TBL2: variants seen among roughly 807,000 people sequenced by gnomAD.
TBL2 encodes the protein transducin beta like 2.
Under a neutral mutation model 41.8 loss-of-function variants are expected in TBL2, and 33 were observed. The ratio of observed to expected loss-of-function variants is 0.79; its 90% CI spans 0.60 to 1.06. The LOEUF (loss-of-function observed/expected upper bound fraction) is 1.06. Among genes scored for constraint, TBL2 ranks in the 50% least tolerant of loss-of-function variants. The pLI, the probability that TBL2 is intolerant of heterozygous loss-of-function variation, is 0.00. For missense variants in TBL2, 522 were observed against 603.8 expected (o/e 0.86, Z 1.42); for synonymous variants, 239 against 241.7 (o/e 0.99, Z 0.10).
At position 73,570,842 on chromosome 7, in the gene TBL2, G is replaced by A. The variant is rs1792891603; in HGVS notation, c.1009C>T (p.Leu337=). 2 of 1,613,758 alleles carry A rather than the reference G, an allele frequency of 1.2e-6. No individual in the cohort carries two copies. The highest frequency in any genetic ancestry group is 2.7e-5 in the African/African-American group (2 of 74,968). Residue 337 remains leucine (L), a synonymous_variant, in exon 7 of 7, where the codon CTG becomes TTG. Coordinates refer to ENST00000305632, the MANE Select transcript of TBL2 (RefSeq NM_012453.4). ...ACCTGGGCGTTGGGGGAGAGGGCCA[G>A]GCGGCACGGCGCGGCACCCGCCGCC... ...EEAAGAAPCR[L]ALSPNAQVLA...
intron 2 of TBL2, 120 bp downstream of exon 2, chr7:73,574,263 A>C: frequency 6.6e-7 from 1 of 1,524,398 alleles, no homozygotes; most frequent in East Asian, 2.3e-5. Flanking sequence ...GGACAGAATT[A>C]AGCACCCCCG....
intron 3 of TBL2, 186 bp downstream of exon 3, chr7:73,573,752 T>C: frequency 1.3e-6 from 1 of 793,096 alleles, no homozygotes; most frequent in Non-Finnish European, 1.9e-6. Context: ...CCTGTTTCCT[T>C]GCTGTATAGC....
chr7:73,570,626 C>T lies in TBL2; in HGVS notation c.1225G>A (p.Val409Met), dbSNP rs1554587191. The T allele has an allele frequency of 6.8e-6, 11 of 1,613,702 alleles. No homozygotes were observed. In the South Asian group the frequency reaches 1.2e-4, roughly 18 times the overall value. The change falls in exon 7 of 7, where the codon GTG (valine) becomes ATG (methionine). Residue 409 changes from valine (V) to methionine (M), a missense_variant. Val to Met is a conservative substitution (Grantham distance 21, BLOSUM62 1). Transcript: ENST00000305632. ...FHNTPGHRAM[V>M]EEMQGHLKRA... is the part of the protein sequence containing the mutation. Reference sequence around the variant, plus strand: ...TTCAGGTGGCCCTGCATCTCCTCCACCATGGCTCGGTGGCCAGGAGTGTTG... The same window carrying T: ...TTCAGGTGGCCCTGCATCTCCTCCATCATGGCTCGGTGGCCAGGAGTGTTG...
Position 73,574,414 on chromosome 7 carries a change from A to C in TBL2, c.230T>G (p.Phe77Cys). ...IRKEKPQQHN[F>C]THRLLAAALK... Reference sequence around the variant, plus strand: ...AGCTGCAGCCAGGAGGCGGTGGGTGAAGTTGTGTTGTTGAGGCTTCTCCTT... The same window carrying C: ...AGCTGCAGCCAGGAGGCGGTGGGTGCAGTTGTGTTGTTGAGGCTTCTCCTT... The change falls in exon 2 of 7, where the codon TTC becomes TGC. Residue 77 changes from phenylalanine (F) to cysteine (C), a missense_variant. Phe to Cys is a radical substitution (Grantham distance 205). Transcript: ENST00000305632. 1 of 1,613,802 alleles carries C rather than the reference A, an allele frequency of 6.2e-7. No individual in the cohort carries two copies. The highest frequency in any genetic ancestry group is 8.5e-7 in the Non-Finnish European group (1 of 1,180,020).
rs531587668 is a variant in TBL2 at position 73,572,679 on chromosome 7, A to C, written c.725+165T>G. On this transcript the variant is annotated intron_variant, in intron 5 of 6. Transcript: ENST00000305632. ...CGACTAAGGACATGGGGCGACCTGC[A>C]TGAAATCCCACTACTGCAAGTGGGG... 5.3e-5 allele frequency among the ~76,000 whole-genome samples: 8 copies of C among 152,318 alleles called. No homozygotes were observed. In the South Asian group the frequency reaches 1.7e-3, roughly 32 times the overall value.
intron 1 of TBL2, chr7:73,576,680 A>C (rs1481895150): frequency 8.8e-6 from 4 of 456,428 alleles, no homozygotes; most frequent in Non-Finnish European, 1.8e-5. Flanking sequence ...CCCAATTCCA[A>C]CAGGAAAAAA....
Position 73,567,903 on chromosome 7 carries a change from T to G in TBL2, c.*2604A>C, listed in dbSNP as rs1030082767. Among the ~76,000 whole-genome samples the G allele has an allele frequency of 2.0e-5, 3 of 152,184 alleles. No homozygotes were observed. Among genetic ancestry groups the G allele is most frequent in the African/African-American group, 7.2e-5 (3 of 41,456 alleles). On this transcript the variant is annotated 3_prime_UTR_variant, in exon 7 of 7. Transcript: ENST00000305632. The stretch of plus-strand genomic sequence containing the variant: ...TCTGCTCTCCAGCTGGAACTGGAAC[T>G]GAAGACATCTGACTTCAGTAACTCA...
intron 1 of TBL2, chr7:73,574,750 A>C (rs2115984570): frequency 1.7e-6 from 1 of 599,434 alleles, no homozygotes; most frequent in African/African-American, 1.8e-5. Context: ...TCGAGGCTGC[A>C]GTAAGCTATG....
At position 73,573,956 on chromosome 7, in the gene TBL2, C is replaced by T. The variant is rs373074498; in HGVS notation, c.428G>A (p.Arg143His). ...GTCCCACCTGCAGTCAGGGCTGAAG[C>T]GCACCAGGGTGGCGTGGTCCAGCTC... ...NVELDHATLV[R>H]FSPDCRAFIV... The change falls in exon 3 of 7, where the codon CGC becomes CAC. Residue 143 changes from arginine (R) to histidine (H), a missense_variant. Transcript: ENST00000305632. 2.0e-5 allele frequency: 33 copies of T among 1,613,610 alleles called. No individual in the cohort carries two copies. Among genetic ancestry groups the T allele is most frequent in the Middle Eastern group, 1.7e-4 (1 of 5,942 alleles).
At chr7:73,578,254 G>A in intron 1 of TBL2, 166 bp downstream of exon 1, 1 of 1,532,826 alleles carries the variant, frequency 6.5e-7, no homozygotes, top group Non-Finnish European at 8.7e-7. Flanking sequence ...ACCCGGCAAG[G>A]CGGGTCCCCG....
intron 2 of TBL2, 83 bp downstream of exon 2, chr7:73,574,300 C>T (rs1684357930): frequency 1.3e-6 from 2 of 1,576,372 alleles, no homozygotes; most frequent in African/African-American, 1.3e-5. Flanking sequence ...GCAGGAGAGC[C>T]TGTAACATGC....
intron 1 of TBL2, among the ~76,000 whole-genome samples, chr7:73,575,931 A>G (rs1793283480): frequency 6.6e-6 from 1 of 152,004 alleles, no homozygotes; most frequent in Non-Finnish European, 1.5e-5. Flanking sequence ...GGTCCCAGCT[A>G]TTCGGAGGCT....
intron 1 of TBL2, chr7:73,576,625 A>G: frequency 2.2e-6 from 1 of 456,522 alleles, no homozygotes; most frequent in Non-Finnish European, 4.4e-6. Flanking sequence ...AAAGATACTT[A>G]ATTGAGTCAC....
At chr7:73,576,563 A>C (rs1563455614) in intron 1 of TBL2, 3 of 455,026 alleles carry the variant, frequency 6.6e-6, no homozygotes, top group Non-Finnish European at 1.3e-5. Flanking sequence ...GGGGATGAGA[A>C]GTCAACATCT....
Position 73,572,834 on chromosome 7 carries a change from C to A in TBL2, c.725+10G>T, listed in dbSNP as rs922510397. The stretch of plus-strand genomic sequence containing the variant: ...CGTGGTCCCAGACGCCAATACCCCT[C>A]CTTGCCCACCTGCCACAGGGAGATA... On this transcript the variant is annotated intron_variant, in intron 5 of 6. Transcript: ENST00000305632. 26 of 1,613,928 alleles carry A rather than the reference C, an allele frequency of 1.6e-5. No individual in the cohort carries two copies. In the South Asian group the frequency reaches 2.7e-4, roughly 17 times the overall value.
chr7:73,570,824 C>T lies in TBL2; in HGVS notation c.1027G>A (p.Ala343Thr), dbSNP rs781912869. The T allele has an allele frequency of 3.7e-6, 6 of 1,613,812 alleles. No homozygotes were observed. The highest frequency in any genetic ancestry group is 2.7e-5 in the African/African-American group (2 of 74,952). The change falls in exon 7 of 7, where the codon GCC becomes ACC. Residue 343 changes from alanine (A) to threonine (T), a missense_variant. Coordinates refer to ENST00000305632, the MANE Select transcript of TBL2 (RefSeq NM_012453.4). Reference sequence around the variant, plus strand: ...CCACTGGCCAAGGCCAAGACCTGGGCGTTGGGGGAGAGGGCCAGGCGGCAC... The same window carrying T: ...CCACTGGCCAAGGCCAAGACCTGGGTGTTGGGGGAGAGGGCCAGGCGGCAC... Reference protein sequence around the residue: ...APCRLALSPNAQVLALASGSS... With the variant: ...APCRLALSPNTQVLALASGSS...
At position 73,570,946 on chromosome 7, in the gene TBL2, G is replaced by C; in HGVS notation, c.905C>G (p.Thr302Arg). Residue 302 changes from threonine (T) to arginine (R), a missense_variant, in exon 7 of 7, where the codon ACA (threonine) becomes AGA (arginine). Thr to Arg is a moderately conservative substitution (Grantham distance 71, BLOSUM62 -1). Transcript: ENST00000305632. ...CACATCTGTGTCCCACAGTTTCCATGTACCATCCTTGGAGACAGAAGCCAT... is the reference window on the plus strand; with the variant it reads ...CACATCTGTGTCCCACAGTTTCCATCTACCATCCTTGGAGACAGAAGCCAT... Reference protein sequence around the residue: ...RRMASVSKDGTWKLWDTDVEY... With the variant: ...RRMASVSKDGRWKLWDTDVEY... 2 of 1,608,854 alleles carry C rather than the reference G, an allele frequency of 1.2e-6. No individual in the cohort carries two copies. The highest frequency in any genetic ancestry group is 1.7e-6 in the Non-Finnish European group (2 of 1,177,018).
At chr7:73,573,871 G>A in intron 3 of TBL2, 67 bp downstream of exon 3, 1 of 1,574,992 alleles carries the variant, frequency 6.3e-7, no homozygotes, top group Non-Finnish European at 8.6e-7. Flanking sequence ...CCTCAAAGCA[G>A]ATATGGGAAG....
chr7:73,573,907 C>T (rs1793126938), intron 3 of TBL2, 31 bp downstream of exon 3: 3 of 1,607,566 alleles, frequency 1.9e-6, no homozygotes, highest in South Asian at 1.1e-5. Context: ...TAGGCCTCTG[C>T]AGGCAAACCT....
Sources: allele counts gnomAD v4.1 joint callset (sites outside exome capture counted in the v4.1 genomes callset), GRCh38; gene constraint gnomAD v4.1.1; transcripts MANE v1.5; gene names NCBI Gene and HGNC (gene_info 2026-07-23, HGNC 2026-07-21).